Variants in NBAS observed in about 807,000 individuals in gnomAD.
The protein encoded by NBAS is NBAS subunit of NRZ tethering complex.
In NBAS, 219 loss-of-function variants were observed where a neutral mutation model predicts 302.5. The observed-to-expected ratio is 0.72, with a 90% CI of 0.65 to 0.81. The LOEUF is 0.81. NBAS is among the 30% of genes least tolerant of loss of function. The pLI is 0.00. For synonymous variants in NBAS, 1,118 were observed against 1,021.6 expected, an observed-to-expected ratio of 1.09 and a Z score of -1.80; for missense variants, 2,932 against 2,841.6, an observed-to-expected ratio of 1.03 and a Z score of -0.72.
At chr2:15,376,046 A>C (rs1674719591) in intron 30 of NBAS, among the ~76,000 whole-genome samples, 1 of 152,210 alleles carries the variant, frequency 6.6e-6, no homozygotes, top group African/African-American at 2.4e-5. Flanking sequence ...AAATGATGGA[A>C]GGATAAAGTT....
At chr2:15,427,911 T>C (rs993906072) in intron 21 of NBAS, 117 bp from the exon 22 acceptor site, 5 of 791,570 alleles carry the variant, frequency 6.3e-6, no homozygotes, top group African/African-American at 5.1e-5. Flanking sequence ...TTCATGCTTA[T>C]AGTATTTTAA....
chr2:15,414,152 G>GA (rs1409509441), intron 25 of NBAS, among the ~76,000 whole-genome samples: 1 of 152,146 alleles, frequency 6.6e-6, no homozygotes, highest in South Asian at 2.1e-4. Context: ...CTTATGAGAA[G>GA]ACAGAAAATT....
At chr2:15,539,489 TC>T in intron 6 of NBAS, 133 bp from the exon 7 acceptor site, 1 of 1,085,138 alleles carries the variant, frequency 9.2e-7, no homozygotes, top group Non-Finnish European at 1.4e-6. Flanking sequence ...TAATAAAGCT[TC>T]CCTCAATAAA....
the NBAS span, among the ~76,000 whole-genome samples, chr2:15,036,856 T>C: frequency 1.3e-5 from 2 of 151,918 alleles, no homozygotes; most frequent in African/African-American, 4.8e-5. Context: ...CTGGCAGATG[T>C]AGAGGACACA....
chr2:14,794,366 T>G, the NBAS span, among the ~76,000 whole-genome samples: 1 of 152,196 alleles, frequency 6.6e-6, no homozygotes, highest in Non-Finnish European at 1.5e-5. Flanking sequence ...ACATCTAAAT[T>G]TAGGTCTTCT....
At chr2:15,410,400 A>G (rs2148448403) in intron 25 of NBAS, among the ~76,000 whole-genome samples, 2 of 152,342 alleles carry the variant, frequency 1.3e-5, no homozygotes, top group South Asian at 4.1e-4. Context: ...AACTTCTCAC[A>G]GGTTCAAGTA....
At chr2:15,188,645 C>T (rs1490350701) in intron 49 of NBAS, among the ~76,000 whole-genome samples, 2 of 152,080 alleles carry the variant, frequency 1.3e-5, no homozygotes, top group East Asian at 3.8e-4. Context: ...TATGTGGCTA[C>T]AAAAGAATAC....
intron 48 of NBAS, among the ~76,000 whole-genome samples, chr2:15,203,525 G>C (rs575410487): frequency 6.6e-6 from 1 of 151,976 alleles, no homozygotes; most frequent in South Asian, 2.1e-4. Context: ...GAGACTTTAG[G>C]GTAACAGAAG....
chr2:15,362,252 A>T (rs1673968035), intron 32 of NBAS, among the ~76,000 whole-genome samples: 1 of 151,310 alleles, frequency 6.6e-6, no homozygotes, highest in Non-Finnish European at 1.5e-5. Context: ...CTGAGGTAGG[A>T]GGATCGTTTG....
chr2:14,929,550 G>C, the NBAS span, among the ~76,000 whole-genome samples: 1 of 152,040 alleles, frequency 6.6e-6, no homozygotes, highest in African/African-American at 2.4e-5. Flanking sequence ...GCCAATTTTT[G>C]TATTTTTAGT....
the NBAS span, among the ~76,000 whole-genome samples, chr2:14,891,293 A>G: frequency 6.6e-6 from 1 of 152,250 alleles, no homozygotes; most frequent in Non-Finnish European, 1.5e-5. Context: ...AAATGTAGAG[A>G]TAAAAATTAG....
chr2:15,494,888 C>G (rs911779497), intron 11 of NBAS, among the ~76,000 whole-genome samples: 5 of 152,136 alleles, frequency 3.3e-5, no homozygotes, highest in African/African-American at 1.2e-4. Context: ...ATTTTTACCC[C>G]CCTTTTTTCA....
chr2:15,111,231 A>T, the NBAS span, among the ~76,000 whole-genome samples: 2 of 152,142 alleles, frequency 1.3e-5, no homozygotes, highest in Non-Finnish European at 2.9e-5. Flanking sequence ...TGGTTGTGAG[A>T]TAGGTGTGTC....
chr2:14,872,426 T>C, the NBAS span, among the ~76,000 whole-genome samples: 7 of 152,156 alleles, frequency 4.6e-5, no homozygotes, highest in Non-Finnish European at 1.0e-4. Flanking sequence ...TCTTTTTCTT[T>C]TCTGCAACCT....
chr2:15,269,270 T>G (rs1014597640), intron 44 of NBAS, among the ~76,000 whole-genome samples: 1 of 152,228 alleles, frequency 6.6e-6, no homozygotes, highest in Non-Finnish European at 1.5e-5. Context: ...GCAGTATGGA[T>G]GGACGGATAC....
intron 43 of NBAS, 137 bp from the exon 44 acceptor site, chr2:15,275,955 A>G: frequency 2.7e-6 from 2 of 754,716 alleles, no homozygotes; most frequent in Non-Finnish European, 4.3e-6. Flanking sequence ...GCTAGTTTAT[A>G]TTTTCTATTA....
chr2:14,849,380 A>C, the NBAS span, among the ~76,000 whole-genome samples: 42,483 of 148,812 alleles, frequency 0.29, 6,450 homozygotes, highest in East Asian at 0.39. Context: ...AGTTTAGAGA[A>C]AAAAGAATAA....
chr2:15,205,045 T>C (rs951996688), intron 48 of NBAS, among the ~76,000 whole-genome samples: 2 of 151,986 alleles, frequency 1.3e-5, no homozygotes, highest in Non-Finnish European at 2.9e-5. Flanking sequence ...GAAGTAGCAA[T>C]ATGAAATTAC....
In NBAS at chr2:15,234,540, C is replaced by T; in HGVS notation, c.6146+5G>A. 1.9e-6 allele frequency: 3 copies of T among 1,613,244 alleles called. No homozygotes were observed. The highest frequency in any genetic ancestry group is 2.5e-6 in the Non-Finnish European group (3 of 1,179,910). ...TTTTTCCACAATGACCACTTTCTAG[C>T]TTACCTCAATGCAGAAATTATTTTC... On this transcript the variant is annotated splice_donor_5th_base_variant and intron_variant, in intron 46 of 51. Coordinates refer to ENST00000281513, the MANE Select transcript of NBAS (RefSeq NM_015909.4).
Sources: gnomAD v4.1 joint callset for allele counts (sites outside exome capture counted in the v4.1 genomes callset) on GRCh38, gnomAD v4.1.1 for gene constraint, MANE v1.5 for transcripts, NCBI Gene and HGNC (gene_info 2026-07-23, HGNC 2026-07-21) for gene names.